RHBDL1: variants seen among roughly 807,000 people sequenced by gnomAD.
RHBDL1 encodes the protein rhomboid-related protein 1.
Under a neutral mutation model 34.0 loss-of-function variants are expected in RHBDL1, and 21 were observed. The observed-to-expected ratio is 0.62, with a 90% CI of 0.44 to 0.89. The LOEUF (loss-of-function observed/expected upper bound fraction) is 0.89. Among genes scored for constraint, RHBDL1 ranks in the 40% least tolerant of loss-of-function variants. The pLI is 0.00. For missense variants in RHBDL1, 450 were observed against 530.6 expected (o/e 0.85, Z 1.49); for synonymous variants, 268 against 234.8 (o/e 1.14, Z -1.29).
At position 677,907 on chromosome 16, in the gene RHBDL1, T is replaced by A. The variant is rs2039579897; in HGVS notation, c.977T>A (p.Ile326Asn). ...AVVGVSMGLTILRSYEERLRD... is the reference protein window; with the variant it reads ...AVVGVSMGLTNLRSYEERLRD... ...GTGGGGGTGAGCATGGGCCTGACCA[T>A]CCTGCGGAGCTACGAGGAGCGCCTG... Residue 326 changes from isoleucine (I) to asparagine (N), a missense_variant, in exon 8 of 8, where the codon ATC (isoleucine) becomes AAC (asparagine). By Grantham distance (149) the Ile-to-Asn change is moderately radical. Transcript: ENST00000352681. 2 of 1,602,592 alleles carry A rather than the reference T, an allele frequency of 1.2e-6. No homozygotes were observed. Among genetic ancestry groups the A allele is most frequent in the Non-Finnish European group, 1.7e-6 (2 of 1,179,138 alleles).
rs1245126523 is a variant in RHBDL1, at chr16:676,684, C to T, written c.214C>T (p.Arg72Cys). 8 of 1,611,762 alleles carry T rather than the reference C, an allele frequency of 5.0e-6. No homozygotes were observed. The highest frequency in any genetic ancestry group is 1.7e-5 in the Admixed American group (1 of 59,978). The change falls in exon 3 of 8, where the codon CGC (arginine) becomes TGC (cysteine). Residue 72 changes from arginine to cysteine, a missense_variant. By Grantham distance (180) the Arg-to-Cys change is radical. Transcript: ENST00000352681. This position sits in a 1 kb window ranked among gnomAD's most constrained non-coding sequence, Gnocchi z 6.9. ...QELVDLISSK[R>C]SSSFKRAIAN... is the part of the protein sequence containing the mutation. ...CCCCTGCCCCCAGATCAGCAGCAAGCGCTCCAGCAGTTTCAAGCGGGCCAT... is the reference window on the plus strand; with the variant it reads ...CCCCTGCCCCCAGATCAGCAGCAAGTGCTCCAGCAGTTTCAAGCGGGCCAT...
At chr16:675,891 G>T in intron 1 of RHBDL1, 62 bp downstream of exon 1, 1 of 1,463,018 alleles carries the variant, frequency 6.8e-7, no homozygotes. Flanking sequence ...CTGCCGCTGA[G>T]CTGAGCTTGT....
chr16:677,495 C>A lies in RHBDL1; in HGVS notation c.725C>A (p.Pro242Gln). ...GTCTCCATCACCGACATGCGGGCCC[C>A]GGTGGTGGGAGGCTCCGGCGGGGTC... is the stretch of plus-strand genomic sequence containing the variant. ...LTVSITDMRA[P>Q]VVGGSGGVYA... Residue 242 changes from proline to glutamine, a missense_variant, in exon 6 of 8, where the codon CCG (proline) becomes CAG (glutamine). Pro to Gln is a moderately conservative substitution (Grantham distance 76). Coordinates refer to ENST00000352681, the MANE Select transcript of RHBDL1 (RefSeq NM_001278720.2). 6.2e-7 allele frequency: 1 copy of A among 1,609,046 alleles called. No individual in the cohort carries two copies. The highest frequency in any genetic ancestry group is 8.5e-7 in the Non-Finnish European group (1 of 1,179,712).
Position 676,254 on chromosome 16 carries a change from T to G in RHBDL1, c.40-82T>G. 1.3e-6 allele frequency: 2 copies of G among 1,562,656 alleles called. No homozygotes were observed. The highest frequency in any genetic ancestry group is 1.7e-6 in the Non-Finnish European group (2 of 1,153,420). On this transcript the variant is annotated intron_variant, in intron 1 of 7. Transcript: ENST00000352681. This position sits in a 1 kb window ranked among gnomAD's most constrained non-coding sequence, Gnocchi z 6.9. The stretch of plus-strand genomic sequence containing the variant: ...AAAAGTGCTGGGAGCCTGAGCCTGA[T>G]GCTCCCAGCCAGCCTGGCCCAGCCC...
intron 1 of RHBDL1, 49 bp downstream of exon 1, chr16:675,878 C>T (rs745580121): frequency 2.7e-6 from 4 of 1,473,014 alleles, no homozygotes; most frequent in South Asian, 1.3e-5. Context: ...CAATGCGGCC[C>T]TCCTGCCGCT....
In RHBDL1 at chr16:677,775, C is replaced by T; in HGVS notation, c.851-6C>T. 1 of 1,538,732 alleles carries T rather than the reference C, an allele frequency of 6.5e-7. No individual in the cohort carries two copies. On this transcript the variant is annotated splice_region_variant and splice_polypyrimidine_tract_variant and intron_variant, in intron 7 of 7. Transcript: ENST00000352681. Reference sequence around the variant, plus strand: ...GGCACCTCCCACCTGCCGCGTCCCTCTGCAGTGAGCTCCGAGGTGGGCCGG... The same window carrying T: ...GGCACCTCCCACCTGCCGCGTCCCTTTGCAGTGAGCTCCGAGGTGGGCCGG...
rs2039530776 is a variant in RHBDL1, at chr16:676,033, G to C, written c.39+204G>C. ...CTGGCTGGAGAAGGGAGAGTCGGGG[G>C]GAGGGAGGGAGGGAGGGAGGGAGGG... On this transcript the variant is annotated intron_variant, in intron 1 of 7. Coordinates refer to ENST00000352681, the MANE Select transcript of RHBDL1 (RefSeq NM_001278720.2). This position sits in a 1 kb window ranked among gnomAD's most constrained non-coding sequence, Gnocchi z 6.9. The C allele has an allele frequency of 7.6e-7, 1 of 1,312,632 alleles. No individual in the cohort carries two copies. The highest frequency in any genetic ancestry group is 1.5e-5 in the African/African-American group (1 of 65,776). 81.3% of individuals were successfully genotyped at this position (1,312,632 alleles called of 1,614,324 possible). A position where few individuals can be genotyped will look rare whatever the true frequency, so the allele number is the denominator to read the frequency against.
chr16:676,461 G>A lies in RHBDL1; in HGVS notation c.165G>A (p.Glu55=). Reference sequence around the variant, plus strand: ...TGGTGGCCCTGGCTCAGAGCAACGAGCAGGGCCAGGTCTGCTACCAGGAGC... The same window carrying A: ...TGGTGGCCCTGGCTCAGAGCAACGAACAGGGCCAGGTCTGCTACCAGGAGC... The part of the protein sequence containing the change: ...DMLVALAQSN[E]QGQVCYQELV... The change falls in exon 2 of 8, where the codon GAG becomes GAA. Residue 55 remains glutamate, a synonymous_variant. Transcript: ENST00000352681. This position sits in a 1 kb window ranked among gnomAD's most constrained non-coding sequence, Gnocchi z 6.9. The A allele has an allele frequency of 6.2e-7, 1 of 1,602,292 alleles. No homozygotes were observed. Among genetic ancestry groups the A allele is most frequent in the Admixed American group, 1.7e-5 (1 of 59,578 alleles).
At position 676,031 on chromosome 16, in the gene RHBDL1, G is replaced by GGGGGGGGA. The variant is rs2039530367; in HGVS notation, c.39+205_39+206insGGGGAGGG. ...TCCTGGCTGGAGAAGGGAGAGTCGG[G>GGGGGGGGA]GGGAGGGAGGGAGGGAGGGAGGGAG... On this transcript the variant is annotated intron_variant, in intron 1 of 7. Transcript: ENST00000352681. This position sits in a 1 kb window ranked among gnomAD's most constrained non-coding sequence, Gnocchi z 6.9. 7.2e-7 allele frequency: 1 copy of GGGGGGGGA among 1,388,308 alleles called. No individual in the cohort carries two copies. 86.0% of individuals were successfully genotyped at this position (1,388,308 alleles called of 1,614,324 possible).
intron 4 of RHBDL1, 64 bp from the exon 5 acceptor site, chr16:677,212 C>T (rs1253680096): frequency 1.6e-5 from 25 of 1,562,080 alleles, no homozygotes; most frequent in East Asian, 1.4e-4. Context: ...CTTGAGGTGA[C>T]GGCTGGGGGT....
Position 677,709 on chromosome 16 carries a change from G to A in RHBDL1, c.850+10G>A, listed in dbSNP as rs1193055767. ...CTGGCCTTGGTGTGCAGTGAGTAGG[G>A]GCCGGGGGGAGGGCCGGGGGGCCTC... is the stretch of plus-strand genomic sequence containing the variant. On this transcript the variant is annotated intron_variant, in intron 7 of 7. Transcript: ENST00000352681. The A allele has an allele frequency of 1.3e-6, 2 of 1,530,736 alleles. No individual in the cohort carries two copies. The highest frequency in any genetic ancestry group is 1.8e-6 in the Non-Finnish European group (2 of 1,139,396). 94.8% of individuals were successfully genotyped at this position (1,530,736 alleles called of 1,614,324 possible).
Position 676,255 on chromosome 16 carries a change from G to T in RHBDL1, c.40-81G>T. ...AAAGTGCTGGGAGCCTGAGCCTGATGCTCCCAGCCAGCCTGGCCCAGCCCT... is the reference window on the plus strand; with the variant it reads ...AAAGTGCTGGGAGCCTGAGCCTGATTCTCCCAGCCAGCCTGGCCCAGCCCT... On this transcript the variant is annotated intron_variant, in intron 1 of 7. Coordinates refer to ENST00000352681, the MANE Select transcript of RHBDL1 (RefSeq NM_001278720.2). This position sits in a 1 kb window ranked among gnomAD's most constrained non-coding sequence, Gnocchi z 6.9. 6.4e-7 allele frequency: 1 copy of T among 1,562,886 alleles called. No homozygotes were observed.
chr16:676,514 G>C lies in RHBDL1; in HGVS notation c.201+17G>C. 6.3e-7 allele frequency: 1 copy of C among 1,575,640 alleles called. No homozygotes were observed. The highest frequency in any genetic ancestry group is 8.6e-7 in the Non-Finnish European group (1 of 1,163,632). ...GTGGACCTGGTCAGTGCCACGGTGGGCAGGCGGCAGGGGCACGGTGTCCTG... is the reference window on the plus strand; with the variant it reads ...GTGGACCTGGTCAGTGCCACGGTGGCCAGGCGGCAGGGGCACGGTGTCCTG... On this transcript the variant is annotated intron_variant, in intron 2 of 7. Coordinates refer to ENST00000352681, the MANE Select transcript of RHBDL1 (RefSeq NM_001278720.2). The surrounding 1 kb of genome is among the most constrained non-coding windows in gnomAD (Gnocchi z 6.9).
Position 677,006 on chromosome 16 carries a change from C to T in RHBDL1, c.462C>T (p.Asn154=). 1.2e-6 allele frequency: 2 copies of T among 1,612,854 alleles called. No individual in the cohort carries two copies. Among genetic ancestry groups the T allele is most frequent in the Non-Finnish European group, 1.7e-6 (2 of 1,179,938 alleles). The part of the protein sequence containing the change: ...IVFLCYGARL[N]KWVLQTYHPE... ...TCCTGTGTTACGGGGCCCGCCTCAA[C>T]AAGTGGGTGCTGCAGACCTACCACC... The change falls in exon 4 of 8, where the codon AAC becomes AAT. Residue 154 remains asparagine, a synonymous_variant. Coordinates refer to ENST00000352681, the MANE Select transcript of RHBDL1 (RefSeq NM_001278720.2).
Position 676,131 on chromosome 16 carries a change from T to C in RHBDL1, c.40-205T>C. ...GTAGGGTGGAAGACGGGGGAACAAC[T>C]GAGGAGCTGGAGGACTGGGACCCAG... On this transcript the variant is annotated intron_variant, in intron 1 of 7. Coordinates refer to ENST00000352681, the MANE Select transcript of RHBDL1 (RefSeq NM_001278720.2). This position sits in a 1 kb window ranked among gnomAD's most constrained non-coding sequence, Gnocchi z 6.9. The C allele has an allele frequency of 6.8e-7, 1 of 1,461,880 alleles. No individual in the cohort carries two copies. Among genetic ancestry groups the C allele is most frequent in the Non-Finnish European group, 9.1e-7 (1 of 1,103,120 alleles). The allele number at this position is 1,461,880 out of a possible 1,614,324, so 90.6% of individuals were successfully genotyped here.
rs558802175 is a variant in RHBDL1, at chr16:678,016, C to T, written c.1086C>T (p.Tyr362=). ...CCGTCTTCTGGAACGTCTTCGCCTA[C>T]GACCTGCTGGGCGCCCACATCCCCC... The part of the protein sequence containing the change: ...LFAVFWNVFA[Y]DLLGAHIPPP... Residue 362 remains tyrosine (Y), a synonymous_variant, in exon 8 of 8, where the codon TAC becomes TAT. Transcript: ENST00000352681. The T allele has an allele frequency of 4.7e-5, 75 of 1,589,066 alleles. 1 individual carries two copies. Among genetic ancestry groups the T allele is most frequent in the South Asian group, 3.2e-4 (29 of 89,494 alleles).
chr16:675,953 C>T (rs2151499116), intron 1 of RHBDL1, 124 bp downstream of exon 1: 2 of 1,400,790 alleles, frequency 1.4e-6, no homozygotes, highest in Non-Finnish European at 9.4e-7. Context: ...CATCCCTCCA[C>T]GACCTTGGTC....
chr16:677,161 C>T, intron 4 of RHBDL1, 42 bp downstream of exon 4: 1 of 1,583,114 alleles, frequency 6.3e-7, no homozygotes, highest in Non-Finnish European at 8.6e-7. Flanking sequence ...CCCAACCTGC[C>T]ATTACATCAG....
In RHBDL1 at chr16:676,398, C is replaced by A; in HGVS notation, c.102C>A (p.Ser34Arg). The change falls in exon 2 of 8, where the codon AGC becomes AGA. Residue 34 changes from serine to arginine, a missense_variant. Transcript: ENST00000352681. The surrounding 1 kb of genome is among the most constrained non-coding windows in gnomAD (Gnocchi z 6.9). ...ACACCTTCACTGGCCTGGTGCACAG[C>A]CATGAGCTGCCCCTGGACCCGGCCA... ...GADTFTGLVH[S>R]HELPLDPAKL... 5.0e-6 allele frequency: 8 copies of A among 1,608,816 alleles called. No homozygotes were observed. Among genetic ancestry groups the A allele is most frequent in the Non-Finnish European group, 6.8e-6 (8 of 1,178,742 alleles).
Sources: gnomAD v4.1 joint callset for allele counts on GRCh38, gnomAD v4.1.1 for gene constraint, Gnocchi (gnomAD v3.1) non-coding constraint, MANE v1.5 for transcripts, NCBI Gene and HGNC (gene_info 2026-07-23, HGNC 2026-07-21) for gene names.